The following SGMS1 variants were observed in gnomAD, a reference collection of about 807,000 sequenced individuals.
The protein encoded by SGMS1 is sphingomyelin synthase 1.
A neutral mutation model predicts 46.2 loss-of-function variants in SGMS1; 13 were observed. The ratio of observed to expected loss-of-function variants is 0.28; its 90% CI spans 0.18 to 0.45. The LOEUF (loss-of-function observed/expected upper bound fraction) is 0.45. Ranked by LOEUF, SGMS1 falls within the 20% of genes least tolerant of loss-of-function variation. The pLI is 1.00. For synonymous variants in SGMS1, 203 were observed against 187.8 expected (o/e 1.08, Z -0.66); for missense variants, 324 against 519.9 (o/e 0.62, Z 3.66).
chr10:50,547,375 AC>A (rs1279976567), intron 2 of SGMS1, among the ~76,000 whole-genome samples: 1 of 152,218 alleles, frequency 6.6e-6, no homozygotes, highest in African/African-American at 2.4e-5. Context: ...CACTGACCCC[AC>A]AAAAATACAA....
chr10:50,319,504 T>A (rs1245098645), intron 8 of SGMS1, among the ~76,000 whole-genome samples: 2 of 152,226 alleles, frequency 1.3e-5, no homozygotes, highest in Non-Finnish European at 2.9e-5. Context: ...CTTTCCCCAG[T>A]CTAGGTTCCA....
At chr10:50,404,345 A>T (rs898332313) in intron 6 of SGMS1, among the ~76,000 whole-genome samples, 2 of 151,054 alleles carry the variant, frequency 1.3e-5, no homozygotes, top group African/African-American at 4.9e-5. Flanking sequence ...CCAGGCTCAC[A>T]GCTGTAAGCC....
intron 8 of SGMS1, among the ~76,000 whole-genome samples, chr10:50,317,899 G>A (rs551632194): frequency 9.5e-4 from 144 of 151,638 alleles, no homozygotes; most frequent in African/African-American, 3.2e-3. Context: ...CACCTCCTGG[G>A]TTCAAGCAAT....
chr10:50,606,788 T>C (rs1418673305), intron 1 of SGMS1, among the ~76,000 whole-genome samples: 5 of 152,210 alleles, frequency 3.3e-5, no homozygotes, highest in Non-Finnish European at 5.9e-5. Context: ...CAAGGCATTA[T>C]ATTTGAATAT....
At chr10:50,380,239 G>A (rs1374772303) in intron 6 of SGMS1, among the ~76,000 whole-genome samples, 2 of 151,944 alleles carry the variant, frequency 1.3e-5, no homozygotes, top group Non-Finnish European at 2.9e-5. Flanking sequence ...AAATTAGCCA[G>A]ACATGGTGGT....
At chr10:50,576,570 T>C (rs551036105) in intron 2 of SGMS1, among the ~76,000 whole-genome samples, 1 of 152,294 alleles carries the variant, frequency 6.6e-6, no homozygotes, top group South Asian at 2.1e-4. Flanking sequence ...GAAGAACAAT[T>C]TTTCCCATAG....
At chr10:50,525,746 G>A (rs781158589) in intron 2 of SGMS1, among the ~76,000 whole-genome samples, 4 of 152,204 alleles carry the variant, frequency 2.6e-5, no homozygotes, top group Non-Finnish European at 5.9e-5. Context: ...ACTCTGCTAT[G>A]AGCAATGGAT....
At chr10:50,539,223 C>T (rs550206100) in intron 2 of SGMS1, among the ~76,000 whole-genome samples, 2 of 152,326 alleles carry the variant, frequency 1.3e-5, no homozygotes, top group East Asian at 3.9e-4. Context: ...CTGTCTAGTT[C>T]CTTCCCGCCT....
intron 8 of SGMS1, among the ~76,000 whole-genome samples, chr10:50,323,373 C>T (rs147419218): frequency 6.6e-6 from 1 of 152,274 alleles, no homozygotes; most frequent in Non-Finnish European, 1.5e-5. Flanking sequence ...TATTCTAAAG[C>T]TCAACTCTCC....
intron 5 of SGMS1, among the ~76,000 whole-genome samples, chr10:50,458,658 C>G (rs1248353544): frequency 6.6e-6 from 1 of 152,004 alleles, no homozygotes; most frequent in Non-Finnish European, 1.5e-5. Flanking sequence ...CGCTTCCGGC[C>G]GGCTCTATTC....
chr10:50,309,403 T>C (rs1381293320), intron 9 of SGMS1, among the ~76,000 whole-genome samples: 1 of 152,142 alleles, frequency 6.6e-6, no homozygotes, highest in Non-Finnish European at 1.5e-5. Flanking sequence ...AAGACTTAGG[T>C]TAAAGTTTCT....
intron 2 of SGMS1, among the ~76,000 whole-genome samples, chr10:50,542,674 C>T (rs1429459267): frequency 6.7e-6 from 1 of 148,606 alleles, no homozygotes; most frequent in Admixed American, 6.7e-5. Flanking sequence ...CAGAAATGCA[C>T]TTATAGAGAG....
intron 8 of SGMS1, among the ~76,000 whole-genome samples, chr10:50,314,297 G>A (rs1233800017): frequency 6.6e-6 from 1 of 152,044 alleles, no homozygotes; most frequent in Non-Finnish European, 1.5e-5. Flanking sequence ...TTTAAATGGA[G>A]GGGATGGGGG....
chr10:50,535,800 C>A (rs375112955), intron 2 of SGMS1, among the ~76,000 whole-genome samples: 1 of 152,080 alleles, frequency 6.6e-6, no homozygotes, highest in Non-Finnish European at 1.5e-5. Flanking sequence ...CTGATTCAGC[C>A]ACTTTTGGGG....
chr10:50,467,313 T>C (rs900677740), intron 3 of SGMS1, among the ~76,000 whole-genome samples: 3 of 152,140 alleles, frequency 2.0e-5, no homozygotes, highest in Non-Finnish European at 4.4e-5. Context: ...TTTCAAACCA[T>C]AATAATTACC....
At chr10:50,481,463 T>G (rs1837476275) in intron 3 of SGMS1, among the ~76,000 whole-genome samples, 1 of 151,966 alleles carries the variant, frequency 6.6e-6, no homozygotes, top group Admixed American at 6.5e-5. Context: ...GCCTGACTGT[T>G]AAAAACAAAC....
At chr10:50,467,630 A>G (rs976070814) in intron 3 of SGMS1, among the ~76,000 whole-genome samples, 1 of 152,188 alleles carries the variant, frequency 6.6e-6, no homozygotes. Flanking sequence ...AATTTTCTTA[A>G]AGTGAACACC....
At chr10:50,508,848 G>A (rs1837730081) in intron 3 of SGMS1, among the ~76,000 whole-genome samples, 1 of 152,158 alleles carries the variant, frequency 6.6e-6, no homozygotes, top group African/African-American at 2.4e-5. Context: ...CATCTCCTAT[G>A]TAATAGCTTC....
At chr10:50,591,280 A>G (rs1838538267) in intron 1 of SGMS1, among the ~76,000 whole-genome samples, 1 of 151,738 alleles carries the variant, frequency 6.6e-6, no homozygotes, top group African/African-American at 2.4e-5. Context: ...CAGAGATTAA[A>G]CTCCTATTTG....
Sources: allele counts gnomAD v4.1 joint callset (sites outside exome capture counted in the v4.1 genomes callset), GRCh38; gene constraint gnomAD v4.1.1; transcripts MANE v1.5; gene names NCBI Gene and HGNC (gene_info 2026-07-23, HGNC 2026-07-21).